The following SYNE3 variants were observed in gnomAD, a reference collection of about 807,000 sequenced individuals.
SYNE3 encodes nesprin-3.
SYNE3 carries 100 observed loss-of-function variants against 111.2 expected under a neutral mutation model. The ratio of observed to expected loss-of-function variants is 0.90; its 90% CI spans 0.77 to 1.06. SYNE3 has a LOEUF of 1.06. Ranked by LOEUF, SYNE3 falls within the 50% of genes least tolerant of loss-of-function variation. The pLI is 0.00. For missense variants in SYNE3, 1,160 were observed against 1,240.3 expected (o/e 0.94, Z 0.97); for synonymous variants, 547 against 533.9 (o/e 1.02, Z -0.34).
rs1300072392 is a variant in SYNE3 at position 95,423,629 on chromosome 14, TTGATGGGGATGGGGTTTTGATGG to T, written c.2728-5626_2728-5604del. ...ATGGGGATTTGATGGGGATGGGGATTTGATGGGGATGGGGTTTTGATGGGGATGGGGATTTGATGGGGATGGGG... is the reference window on the plus strand; with the variant it reads ...ATGGGGATTTGATGGGGATGGGGATTGGATGGGGATTTGATGGGGATGGGG... On this transcript the variant is annotated intron_variant, in intron 17 of 17. Transcript: ENST00000682763. Among the ~76,000 whole-genome samples the T allele has an allele frequency of 8.2e-3, 305 of 37,098 alleles. 84 individuals carry two copies. Among genetic ancestry groups the T allele is most frequent in the African/African-American group, 0.013 (146 of 11,276 alleles). The allele number at this position is 37,098 out of a possible 152,430, so 24.3% of individuals were successfully genotyped here.
Position 95,433,317 on chromosome 14 carries a change from A to G in SYNE3, c.2631T>C (p.Asp877=). Residue 877 remains aspartate (D), a synonymous_variant, in exon 16 of 18, where the codon GAT becomes GAC. Transcript: ENST00000682763. The stretch of plus-strand genomic sequence containing the variant: ...TGTACAGCATCCACTGGTAGCGCAG[A>G]TCTTCCAGCTCATCCGAGGTCCCCC... The part of the protein sequence containing the change: ...PARGTSDELE[D]LRYQWMLYKS... 1 of 1,614,142 alleles carries G rather than the reference A, an allele frequency of 6.2e-7. No homozygotes were observed. The highest frequency in any genetic ancestry group is 8.5e-7 in the Non-Finnish European group (1 of 1,180,024).
Position 95,516,607 on chromosome 14 carries a change from G to A in SYNE3, c.-26C>T, listed in dbSNP as rs867591926. Among the ~76,000 whole-genome samples, 2 of 139,320 alleles carry A rather than the reference G, an allele frequency of 1.4e-5. No individual in the cohort carries two copies. Among genetic ancestry groups the A allele is most frequent in the Non-Finnish European group, 1.6e-5 (1 of 62,274 alleles). The allele number at this position is 139,320 out of a possible 152,430, so 91.4% of individuals were successfully genotyped here. On this transcript the variant is annotated 5_prime_UTR_variant, in exon 1 of 18. The change creates a new upstream start codon in the 5' untranslated region. Coordinates refer to ENST00000682763, the MANE Select transcript of SYNE3 (RefSeq NM_152592.6). ...CCCGTGCCACTTACCCTCCCGGAGC[G>A]TGGAGGAGCGCGGCGCCGCGGGTAG...
rs376279338 is a variant in SYNE3, at chr14:95,475,177, G to T, written c.144+501C>A. On this transcript the variant is annotated intron_variant, in intron 2 of 17. Coordinates refer to ENST00000682763, the MANE Select transcript of SYNE3 (RefSeq NM_152592.6). ...TTAGTGCTACATGGTCTTGTGCCAG[G>T]TGGGGTGGGTAAAGCCAGACTATGG... is the stretch of plus-strand genomic sequence containing the variant. Among the ~76,000 whole-genome samples the T allele has an allele frequency of 2.6e-5, 4 of 152,256 alleles. 1 individual carries two copies. The South Asian group carries it at 6.2e-4, about 24-fold the overall frequency.
At chr14:95,507,018 C>T (rs188402358) in intron 1 of SYNE3, among the ~76,000 whole-genome samples, 285 of 152,346 alleles carry the variant, frequency 1.9e-3, no homozygotes, top group Non-Finnish European at 3.1e-3. Context: ...GACCCCTTAC[C>T]TCCATGGGGT....
At chr14:95,431,867 C>T (rs1035402092) in intron 17 of SYNE3, among the ~76,000 whole-genome samples, 1 of 152,236 alleles carries the variant, frequency 6.6e-6, no homozygotes, top group Non-Finnish European at 1.5e-5. Flanking sequence ...ACTCTGCACA[C>T]CCTGCCAGCC....
At chr14:95,515,507 T>A (rs2139628355) in intron 1 of SYNE3, among the ~76,000 whole-genome samples, 1 of 152,226 alleles carries the variant, frequency 6.6e-6, no homozygotes, top group African/African-American at 2.4e-5. Context: ...TGTTTCTGCT[T>A]CTCTTGGTGG....
intron 17 of SYNE3, among the ~76,000 whole-genome samples, chr14:95,423,569 G>C (rs1885260019): frequency 4.8e-5 from 1 of 20,950 alleles, no homozygotes; most frequent in African/African-American, 2.2e-4. Flanking sequence ...ATTTGATGGG[G>C]ATGAGGATTT....
Position 95,509,494 on chromosome 14 carries a change from G to T in SYNE3, c.-15+7102C>A, listed in dbSNP as rs1890647725. On this transcript the variant is annotated intron_variant, in intron 1 of 17. Transcript: ENST00000682763. Reference sequence around the variant, plus strand: ...CAAGTCCCCAAACACCTACTTTGAGGCTGTGGTCCTTGAATGAGAAAACAT... The same window carrying T: ...CAAGTCCCCAAACACCTACTTTGAGTCTGTGGTCCTTGAATGAGAAAACAT... Among the ~76,000 whole-genome samples the T allele has an allele frequency of 1.3e-5, 2 of 152,178 alleles. 1 individual carries two copies. The highest frequency in any genetic ancestry group is 4.1e-4 in the South Asian group (2 of 4,826).
At chr14:95,461,890 C>G (rs1262818831) in intron 4 of SYNE3, among the ~76,000 whole-genome samples, 2 of 152,204 alleles carry the variant, frequency 1.3e-5, no homozygotes, top group Admixed American at 1.3e-4. Flanking sequence ...GGAGTGCCCA[C>G]CCACCTTGGG....
chr14:95,482,349 G>A (rs773993727), intron 1 of SYNE3, among the ~76,000 whole-genome samples: 3 of 152,148 alleles, frequency 2.0e-5, no homozygotes, highest in Non-Finnish European at 2.9e-5. Flanking sequence ...CAGGAGAATC[G>A]CTTGAACCCG....
intron 16 of SYNE3, among the ~76,000 whole-genome samples, chr14:95,432,781 C>T (rs1192401511): frequency 6.6e-6 from 1 of 151,956 alleles, no homozygotes; most frequent in Non-Finnish European, 1.5e-5. Flanking sequence ...GCTCCTGATG[C>T]CACTCCAGTG....
chr14:95,507,665 T>A (rs187267559), intron 1 of SYNE3, among the ~76,000 whole-genome samples: 26 of 152,226 alleles, frequency 1.7e-4, no homozygotes, highest in Non-Finnish European at 3.8e-4. Flanking sequence ...CAAACTTGAG[T>A]TTGAAATCAG....
intron 1 of SYNE3, among the ~76,000 whole-genome samples, chr14:95,484,846 A>G (rs1357976370): frequency 6.6e-6 from 1 of 152,240 alleles, no homozygotes; most frequent in Non-Finnish European, 1.5e-5. Context: ...ACTGAGAGTT[A>G]TGATTTAAAC....
Position 95,417,849 on chromosome 14 carries a change from A to G in SYNE3, c.2905T>C (p.Tyr969His). 1 of 1,614,222 alleles carries G rather than the reference A, an allele frequency of 6.2e-7. No individual in the cohort carries two copies. The highest frequency in any genetic ancestry group is 8.5e-7 in the Non-Finnish European group (1 of 1,180,034). Residue 969 changes from tyrosine to histidine, a missense_variant, in exon 18 of 18, where the codon TAC becomes CAC. By Grantham distance (83) the Tyr-to-His change is moderately conservative (BLOSUM62 2). Coordinates refer to ENST00000682763, the MANE Select transcript of SYNE3 (RefSeq NM_152592.6). ...GGTTAGGTGGGTGGTGGGCCATTGT[A>G]GCGCAGCATGAGCGTGAAGGAGCGG... is the stretch of plus-strand genomic sequence containing the variant. ...FARSFTLMLR[Y>H]NGPPPT
intron 1 of SYNE3, among the ~76,000 whole-genome samples, chr14:95,477,746 A>C (rs569206863): frequency 9.2e-6 from 1 of 109,058 alleles, no homozygotes; most frequent in Non-Finnish European, 1.9e-5. Context: ...ACCTGTTTTG[A>C]CTTTTTTTGT....
intron 17 of SYNE3, among the ~76,000 whole-genome samples, chr14:95,424,158 C>T (rs1184704524): frequency 1.3e-5 from 2 of 152,084 alleles, no homozygotes; most frequent in Non-Finnish European, 2.9e-5. Context: ...TAACCACAGG[C>T]GTGGAAGGAG....
At chr14:95,449,802 G>A (rs767735098) in intron 8 of SYNE3, 129 bp downstream of exon 8, 17 of 1,420,944 alleles carry the variant, frequency 1.2e-5, no homozygotes, top group Non-Finnish European at 1.6e-5. Flanking sequence ...TCAGCAGACC[G>A]GGCGCAGTGA....
At chr14:95,461,614 G>C (rs942889118) in intron 4 of SYNE3, among the ~76,000 whole-genome samples, 1 of 152,168 alleles carries the variant, frequency 6.6e-6, no homozygotes, top group Non-Finnish European at 1.5e-5. Context: ...GGTTTTCCTC[G>C]TTGGAGCAGT....
At chr14:95,428,144 G>A (rs900102870) in intron 17 of SYNE3, among the ~76,000 whole-genome samples, 3 of 152,182 alleles carry the variant, frequency 2.0e-5, no homozygotes, top group African/African-American at 7.2e-5. Flanking sequence ...AGAAAGAGGA[G>A]GCAAGGAAAT....
Sources: gnomAD v4.1 joint callset for allele counts (sites outside exome capture counted in the v4.1 genomes callset) on GRCh38, gnomAD v4.1.1 for gene constraint, MANE v1.5 for transcripts, NCBI Gene and HGNC (gene_info 2026-07-23, HGNC 2026-07-21) for gene names.